Variants in PDGFC observed in about 807,000 individuals in gnomAD.
PDGFC encodes the protein platelet derived growth factor C.
In PDGFC, 12 loss-of-function variants were observed where a neutral mutation model predicts 35.5. That is an observed-to-expected ratio of 0.34 (90% CI 0.22 to 0.55). The LOEUF (loss-of-function observed/expected upper bound fraction) is 0.55, where lower values mean the gene tolerates loss of function less well. Ranked by LOEUF, PDGFC falls within the 20% of genes least tolerant of loss-of-function variation. The pLI, the probability that PDGFC is intolerant of heterozygous loss-of-function variation, is 0.91. For synonymous variants in PDGFC, 159 were observed against 148.8 expected, an observed-to-expected ratio of 1.07 and a Z score of -0.50; for missense variants, 322 against 412.4, an observed-to-expected ratio of 0.78 and a Z score of 1.90.
At chr4:156,928,854 T>G (rs994692995) in intron 1 of PDGFC, among the ~76,000 whole-genome samples, 4 of 152,224 alleles carry the variant, frequency 2.6e-5, no homozygotes, top group Non-Finnish European at 4.4e-5. Context: ...GAATAAAGTT[T>G]ATAGTTACTG....
chr4:156,773,171 G>T (rs1730734196), intron 3 of PDGFC, among the ~76,000 whole-genome samples: 1 of 152,042 alleles, frequency 6.6e-6, no homozygotes, highest in South Asian at 2.1e-4. Context: ...ATATCTTCAT[G>T]GTTCAATTAC....
intron 3 of PDGFC, among the ~76,000 whole-genome samples, chr4:156,805,096 T>C (rs1296207516): frequency 6.6e-6 from 1 of 151,994 alleles, no homozygotes; most frequent in African/African-American, 2.4e-5. Flanking sequence ...ATGATCGTCA[T>C]ATGAAAGAGA....
chr4:156,966,708 G>A (rs988028086), intron 1 of PDGFC, among the ~76,000 whole-genome samples: 2 of 152,138 alleles, frequency 1.3e-5, no homozygotes, highest in African/African-American at 2.4e-5. Context: ...ACTAGAGGTC[G>A]TAGAAGAGAT....
At chr4:156,830,831 CCACTT>C (rs1728914598) in intron 2 of PDGFC, among the ~76,000 whole-genome samples, 1 of 152,150 alleles carries the variant, frequency 6.6e-6, no homozygotes, top group African/African-American at 2.4e-5. Flanking sequence ...ATAACTTTCT[CCACTT>C]CACTTGGCCC....
chr4:156,867,591 C>A (rs1729876541), intron 1 of PDGFC, among the ~76,000 whole-genome samples: 1 of 152,144 alleles, frequency 6.6e-6, no homozygotes. Context: ...TTCTCCCACA[C>A]CCTGTTGTTA....
chr4:156,767,662 TCCCCA>T, intron 5 of PDGFC, 106 bp downstream of exon 5: 2 of 669,924 alleles, frequency 3.0e-6, no homozygotes. Context: ...CTCTTTTTTT[TCCCCA>T]TGAATACTAC....
At chr4:156,796,220 C>T (rs1349396483) in intron 3 of PDGFC, among the ~76,000 whole-genome samples, 2 of 152,084 alleles carry the variant, frequency 1.3e-5, no homozygotes, top group Non-Finnish European at 1.5e-5. Flanking sequence ...CAAAATTATA[C>T]CCTCCTTCTT....
chr4:156,764,186 T>C (rs1351564607), intron 5 of PDGFC, among the ~76,000 whole-genome samples: 3 of 152,338 alleles, frequency 2.0e-5, no homozygotes, highest in Admixed American at 6.5e-5. Flanking sequence ...TTCTAAAAGC[T>C]ACCAGTCCTA....
At chr4:156,813,979 C>A (rs1732011308) in intron 2 of PDGFC, among the ~76,000 whole-genome samples, 1 of 152,208 alleles carries the variant, frequency 6.6e-6, no homozygotes, top group Middle Eastern at 3.4e-3. Flanking sequence ...ACACCCCAGG[C>A]ACATAGTAAA....
At chr4:156,821,593 G>A (rs972405476) in intron 2 of PDGFC, among the ~76,000 whole-genome samples, 2 of 152,056 alleles carry the variant, frequency 1.3e-5, no homozygotes, top group African/African-American at 4.8e-5. Context: ...TGTAGCCCAG[G>A]CTGGAGTGCA....
chr4:156,954,779 C>T (rs1001484221), intron 1 of PDGFC, among the ~76,000 whole-genome samples: 1 of 151,912 alleles, frequency 6.6e-6, no homozygotes, highest in African/African-American at 2.4e-5. Flanking sequence ...TGAAGCCAGA[C>T]GTTAGGCGCA....
intron 1 of PDGFC, among the ~76,000 whole-genome samples, chr4:156,924,885 C>A (rs1731369663): frequency 6.6e-6 from 1 of 151,896 alleles, no homozygotes; most frequent in South Asian, 2.1e-4. Context: ...TTTTGCTGGG[C>A]AGCAAAAAAG....
chr4:156,900,426 A>T (rs1310410146), intron 1 of PDGFC, among the ~76,000 whole-genome samples: 2 of 152,204 alleles, frequency 1.3e-5, no homozygotes, highest in African/African-American at 4.8e-5. Context: ...ATGGGCAGCA[A>T]AACTAGGACA....
intron 2 of PDGFC, among the ~76,000 whole-genome samples, chr4:156,843,918 A>G (rs1358340609): frequency 6.6e-6 from 1 of 152,182 alleles, no homozygotes; most frequent in Admixed American, 6.6e-5. Flanking sequence ...CTTCAACTGA[A>G]GCATCAATAG....
rs371603277 is a variant in PDGFC, at chr4:156,901,620, A to C, written c.119-51204T>G. On this transcript the variant is annotated intron_variant, in intron 1 of 5. Coordinates refer to ENST00000502773, the MANE Select transcript of PDGFC (RefSeq NM_016205.3). ...CATTATTATTATTATTATTATTATTATTTTACTTTTTATTTTTCTAAGACA... is the reference window on the plus strand; with the variant it reads ...CATTATTATTATTATTATTATTATTCTTTTACTTTTTATTTTTCTAAGACA... 3.3e-5 allele frequency among the ~76,000 whole-genome samples: 5 copies of C among 151,124 alleles called. No homozygotes were observed. In the East Asian group the frequency reaches 9.7e-4, roughly 29 times the overall value.
chr4:156,817,456 A>C (rs1459416585), intron 2 of PDGFC, among the ~76,000 whole-genome samples: 2 of 152,182 alleles, frequency 1.3e-5, no homozygotes, highest in African/African-American at 4.8e-5. Flanking sequence ...CTGAAAAATT[A>C]GATAAAATGG....
intron 1 of PDGFC, among the ~76,000 whole-genome samples, chr4:156,950,602 C>CT (rs1491315580): frequency 1.3e-5 from 2 of 151,778 alleles, no homozygotes; most frequent in Non-Finnish European, 2.9e-5. Flanking sequence ...TCTCCTGTTA[C>CT]TCTGTCTTTT....
intron 1 of PDGFC, among the ~76,000 whole-genome samples, chr4:156,959,415 T>C (rs1732286661): frequency 6.6e-6 from 1 of 151,992 alleles, no homozygotes; most frequent in Non-Finnish European, 1.5e-5. Flanking sequence ...CCCTGTAGCT[T>C]TTTATGGCCT....
chr4:156,915,175 CTT>C (rs899334201), intron 1 of PDGFC, among the ~76,000 whole-genome samples: 6 of 152,178 alleles, frequency 3.9e-5, no homozygotes, highest in African/African-American at 1.4e-4. Context: ...ATCCCCAAAA[CTT>C]TATAAATCTA....
Sources: gnomAD v4.1 joint callset for allele counts (sites outside exome capture counted in the v4.1 genomes callset) on GRCh38, gnomAD v4.1.1 for gene constraint, MANE v1.5 for transcripts, NCBI Gene and HGNC (gene_info 2026-07-23, HGNC 2026-07-21) for gene names.